The following TEX261 variants were observed in gnomAD, a reference collection of about 807,000 sequenced individuals.
The protein encoded by TEX261 is testis expressed 261.
TEX261 carries 13 observed loss-of-function variants against 25.1 expected under a neutral mutation model. The ratio of observed to expected loss-of-function variants is 0.52; its 90% confidence interval spans 0.34 to 0.82. The LOEUF is 0.82. Ranked by LOEUF, TEX261 falls within the 40% of genes least tolerant of loss-of-function variation. The pLI is 0.02. For missense variants in TEX261, 206 were observed against 243.2 expected, an observed-to-expected ratio of 0.85 and a Z score of 1.02; for synonymous variants, 92 against 97.8, an observed-to-expected ratio of 0.94 and a Z score of 0.35.
chr2:70,988,663 C>T lies in TEX261; in HGVS notation c.528G>A (p.Gly176=). Reference sequence around the variant, plus strand: ...TGATGAAGGAGAAGACAACCAGGATCCCTAAGCGTTTGCCCCGCTTGCCTT... The same window carrying T: ...TGATGAAGGAGAAGACAACCAGGATTCCTAAGCGTTTGCCCCGCTTGCCTT... ...FTKGKRGKRL[G]ILVVFSFIKE... Residue 176 remains glycine (G), a synonymous_variant, in exon 6 of 6, where the codon GGG becomes GGA. Transcript: ENST00000272438. 6.2e-7 allele frequency: 1 copy of T among 1,614,212 alleles called. No individual in the cohort carries two copies. The highest frequency in any genetic ancestry group is 8.5e-7 in the Non-Finnish European group (1 of 1,180,034).
chr2:70,990,457 C>T (rs1321591071), intron 3 of TEX261, among the ~76,000 whole-genome samples: 1 of 152,082 alleles, frequency 6.6e-6, no homozygotes, highest in Non-Finnish European at 1.5e-5. Context: ...GCCACCCCTC[C>T]TTGGTGTGTA....
Position 70,993,677 on chromosome 2 carries a change from G to A in TEX261, c.150+19C>T. On this transcript the variant is annotated intron_variant, in intron 2 of 5. Coordinates refer to ENST00000272438, the MANE Select transcript of TEX261 (RefSeq NM_144582.3). ...GGGCAAAAGAGTGAGGAGGACTCCT[G>A]GAGAAAGATGCCACTTACCCAGATC... 6.2e-7 allele frequency: 1 copy of A among 1,606,350 alleles called. No homozygotes were observed. The highest frequency in any genetic ancestry group is 1.1e-5 in the South Asian group (1 of 90,906).
Position 70,986,426 on chromosome 2 carries a change from A to G in TEX261, c.*2174T>C, listed in dbSNP as rs1463774395. The G allele has an allele frequency of 1.3e-5, 2 of 152,720 alleles. No homozygotes were observed. Among genetic ancestry groups the G allele is most frequent in the African/African-American group, 4.8e-5 (2 of 41,466 alleles). 9.5% of individuals were successfully genotyped at this position (152,720 alleles called of 1,614,324 possible). ...AGGCCAGAGAGTGACTTGATCAACT[A>G]TGCAATGCATTTTAGGAAGATAGCT... On this transcript the variant is annotated 3_prime_UTR_variant, in exon 6 of 6. Coordinates refer to ENST00000272438, the MANE Select transcript of TEX261 (RefSeq NM_144582.3).
chr2:70,989,341 C>A (rs1429448528), intron 4 of TEX261: 2 of 453,456 alleles, frequency 4.4e-6, no homozygotes, highest in African/African-American at 3.9e-5. Context: ...CTTGCTCTTC[C>A]CAGAGGTTCA....
In TEX261 at chr2:70,991,945, C is replaced by T; in HGVS notation, c.189G>A (p.Glu63=). 1 of 1,612,776 alleles carries T rather than the reference C, an allele frequency of 6.2e-7. No homozygotes were observed. Among genetic ancestry groups the T allele is most frequent in the Middle Eastern group, 1.7e-4 (1 of 6,054 alleles). ...TAVLIGLYVF[E]RFPTSMIGVG... is the part of the protein sequence containing the mutation. ...CTCCAATCATGCTGGTGGGGAAGCG[C>T]TCAAAGACGTAGAGGCCAATCAGTA... is the stretch of plus-strand genomic sequence containing the variant. Residue 63 remains glutamate (E), a synonymous_variant, in exon 3 of 6, where the codon GAG becomes GAA. Coordinates refer to ENST00000272438, the MANE Select transcript of TEX261 (RefSeq NM_144582.3).
Position 70,988,319 on chromosome 2 carries a change from C to A in TEX261, c.*281G>T. 2.5e-6 allele frequency: 1 copy of A among 401,922 alleles called. No homozygotes were observed. The highest frequency in any genetic ancestry group is 3.0e-5 in the South Asian group (1 of 33,886). The allele number at this position is 401,922 out of a possible 1,614,324, so 24.9% of individuals were successfully genotyped here. ...CCCCAGCGGGGCCAGAACCTCCTGA[C>A]CCACCTTGGAAGGGACAGGGGAGGA... On this transcript the variant is annotated 3_prime_UTR_variant, in exon 6 of 6. Coordinates refer to ENST00000272438, the MANE Select transcript of TEX261 (RefSeq NM_144582.3).
chr2:70,991,916 C>T lies in TEX261; in HGVS notation c.218G>A (p.Gly73Asp), dbSNP rs782704805. 2 of 1,613,764 alleles carry T rather than the reference C, an allele frequency of 1.2e-6. No individual in the cohort carries two copies. The highest frequency in any genetic ancestry group is 1.7e-6 in the Non-Finnish European group (2 of 1,179,856). Residue 73 changes from glycine (G) to aspartate (D), a missense_variant, in exon 3 of 6, where the codon GGC becomes GAC. By Grantham distance (94) the Gly-to-Asp change is moderately conservative. Transcript: ENST00000272438. ...ERFPTSMIGVGLFTNLVYFGL... is the reference protein window; with the variant it reads ...ERFPTSMIGVDLFTNLVYFGL... ...AAAGTAGACGAGGTTGGTGAATAGG[C>T]CCACTCCAATCATGCTGGTGGGGAA...
At chr2:70,989,875 A>T (rs1273569764) in intron 3 of TEX261, 59 bp from the exon 4 acceptor site, 1 of 1,353,440 alleles carries the variant, frequency 7.4e-7, no homozygotes, top group Non-Finnish European at 1.1e-6. Context: ...CTGTACTTTT[A>T]ACTTCAAAAG....
At chr2:70,989,072 G>A in intron 4 of TEX261, 55 bp from the exon 5 acceptor site, 1 of 1,489,886 alleles carries the variant, frequency 6.7e-7, no homozygotes, top group South Asian at 1.2e-5. Flanking sequence ...AGAGTGGGCT[G>A]GGTGTGGTGA....
intron 4 of TEX261, 75 bp from the exon 5 acceptor site, chr2:70,989,092 G>A: frequency 7.8e-7 from 1 of 1,284,512 alleles, no homozygotes; most frequent in Non-Finnish European, 1.1e-6. Flanking sequence ...ACTGCGTGTT[G>A]GTCAAGAGTG....
At position 70,992,057 on chromosome 2, in the gene TEX261, C is replaced by T. The variant is rs570247807; in HGVS notation, c.151-74G>A. 14 of 1,436,292 alleles carry T rather than the reference C, an allele frequency of 9.7e-6. No individual in the cohort carries two copies. In the South Asian group the frequency reaches 1.2e-4, roughly 12 times the overall value. 89.0% of individuals were successfully genotyped at this position (1,436,292 alleles called of 1,614,324 possible). ...TTCCTGGACTCACCAACCCCCAGCCCGCTCTGGGCAGCACTAGGTTCATGC... is the reference window on the plus strand; with the variant it reads ...TTCCTGGACTCACCAACCCCCAGCCTGCTCTGGGCAGCACTAGGTTCATGC... On this transcript the variant is annotated intron_variant, in intron 2 of 5. Coordinates refer to ENST00000272438, the MANE Select transcript of TEX261 (RefSeq NM_144582.3).
chr2:70,989,233 A>G (rs960967387), intron 4 of TEX261: 8 of 594,144 alleles, frequency 1.3e-5, no homozygotes, highest in African/African-American at 1.9e-5. Flanking sequence ...CACAAACCCC[A>G]TATCTTGGTC....
chr2:70,989,070 C>A, intron 4 of TEX261, 53 bp from the exon 5 acceptor site: 1 of 1,505,544 alleles, frequency 6.6e-7, no homozygotes. Context: ...CAAGAGTGGG[C>A]TGGGTGTGGT....
At position 70,992,122 on chromosome 2, in the gene TEX261, G is replaced by A. The variant is rs577476503; in HGVS notation, c.151-139C>T. 1.2e-4 allele frequency: 90 copies of A among 758,576 alleles called. 1 individual carries two copies. The South Asian group carries it at 3.3e-3, about 28-fold the overall frequency. 47.0% of individuals were successfully genotyped at this position (758,576 alleles called of 1,614,324 possible). Reference sequence around the variant, plus strand: ...TTCACAGGTCTGGCCTCCCCAGCTAGGTTCTCTGCTCCCAAAAGGCAACAT... The same window carrying A: ...TTCACAGGTCTGGCCTCCCCAGCTAAGTTCTCTGCTCCCAAAAGGCAACAT... On this transcript the variant is annotated intron_variant, in intron 2 of 5. Coordinates refer to ENST00000272438, the MANE Select transcript of TEX261 (RefSeq NM_144582.3).
At chr2:70,991,282 C>A (rs1182778431) in intron 3 of TEX261, among the ~76,000 whole-genome samples, 2 of 152,186 alleles carry the variant, frequency 1.3e-5, no homozygotes, top group Non-Finnish European at 2.9e-5. Context: ...GGCAGGGCAA[C>A]GCCAAGAAGA....
At chr2:70,994,536 G>A in intron 1 of TEX261, 152 bp downstream of exon 1, 4 of 1,130,476 alleles carry the variant, frequency 3.5e-6, no homozygotes, top group Non-Finnish European at 5.0e-6. Flanking sequence ...CGACAGGAGG[G>A]GCAGGATCAG....
chr2:70,992,729 C>CAAA (rs556141517), intron 2 of TEX261, among the ~76,000 whole-genome samples: 67 of 119,826 alleles, frequency 5.6e-4, no homozygotes, highest in African/African-American at 1.9e-3. Context: ...AACTCCATCT[C>CAAA]AAAAAAAAAA....
rs144215731 is a variant in TEX261, at chr2:70,987,091, T to C, written c.*1509A>G. Reference sequence around the variant, plus strand: ...GAGTGGAGGGGGCGAAGCCACATCATCAAGGTGAGGGACCAAGCAGCAGAG... The same window carrying C: ...GAGTGGAGGGGGCGAAGCCACATCACCAAGGTGAGGGACCAAGCAGCAGAG... On this transcript the variant is annotated 3_prime_UTR_variant, in exon 6 of 6. Transcript: ENST00000272438. 3 of 152,224 alleles carry C rather than the reference T, an allele frequency of 2.0e-5. No homozygotes were observed. The highest frequency in any genetic ancestry group is 3.9e-4 in the East Asian group (2 of 5,166). The allele number at this position is 152,224 out of a possible 1,614,324, so 9.4% of individuals were successfully genotyped here.
chr2:70,994,717 A>T lies in TEX261; in HGVS notation c.41T>A (p.Ile14Asn). Residue 14 changes from isoleucine to asparagine, a missense_variant, in exon 1 of 6, where the codon ATC (isoleucine) becomes AAC (asparagine). Coordinates refer to ENST00000272438, the MANE Select transcript of TEX261 (RefSeq NM_144582.3). ...MYLLSWLSLF[I>N]QVAFITLAVA... ...AGCCAGCGTGATGAAGGCCACCTGG[A>T]TGAAGAGCGACAGCCAGCTCAGCAG... 6.2e-7 allele frequency: 1 copy of T among 1,606,200 alleles called. No individual in the cohort carries two copies. The highest frequency in any genetic ancestry group is 1.1e-5 in the South Asian group (1 of 89,844).
Sources: gnomAD v4.1 joint callset for allele counts (sites outside exome capture counted in the v4.1 genomes callset) on GRCh38, gnomAD v4.1.1 for gene constraint, MANE v1.5 for transcripts, NCBI Gene and HGNC (gene_info 2026-07-23, HGNC 2026-07-21) for gene names.